BCR: variants seen among roughly 807,000 people sequenced by gnomAD.
The protein encoded by BCR is BCR activator of RhoGEF and GTPase.
In BCR, 58 loss-of-function variants were observed where a neutral mutation model predicts 138.6. The observed-to-expected ratio is 0.42, with a 90% CI of 0.34 to 0.52. The LOEUF (loss-of-function observed/expected upper bound fraction) is 0.52, where lower values mean the gene tolerates loss of function less well. Ranked by LOEUF, BCR falls within the 20% of genes least tolerant of loss-of-function variation. The pLI, the probability that BCR is intolerant of heterozygous loss-of-function variation, is 0.06. For synonymous variants in BCR, 786 were observed against 730.1 expected (o/e 1.08, Z -1.23); for missense variants, 1,599 against 1,727.2 (o/e 0.93, Z 1.32).
At chr22:23,260,283 C>T (rs2073342192) in intron 2 of BCR, among the ~76,000 whole-genome samples, 1 of 152,218 alleles carries the variant, frequency 6.6e-6, no homozygotes, top group Admixed American at 6.5e-5. Context: ...GGGACTTTGT[C>T]ATAGCCCACA....
At chr22:23,263,347 G>C (rs2073394687) in intron 4 of BCR, 4 of 1,197,872 alleles carry the variant, frequency 3.3e-6, no homozygotes, top group Non-Finnish European at 4.9e-6. Context: ...CAGATAGCCT[G>C]GGCCTCGCTC....
chr22:23,256,527 G>A (rs79082877), intron 2 of BCR, among the ~76,000 whole-genome samples: 1,567 of 152,244 alleles, frequency 0.01, 25 homozygotes, highest in African/African-American at 0.035. Context: ...CGGCTGGGCC[G>A]CAGGACAATG....
At chr22:23,259,649 G>A (rs1350419220) in intron 2 of BCR, among the ~76,000 whole-genome samples, 4 of 151,956 alleles carry the variant, frequency 2.6e-5, no homozygotes, top group African/African-American at 9.7e-5. Context: ...CCCAAGTAGT[G>A]GGGATTATAG....
chr22:23,255,327 C>T (rs1015088855), intron 2 of BCR, among the ~76,000 whole-genome samples: 5 of 152,154 alleles, frequency 3.3e-5, no homozygotes, highest in African/African-American at 7.2e-5. Flanking sequence ...TCCTATCCCA[C>T]GTCGAGTGTC....
chr22:23,313,252 A>T (rs987933325), intron 20 of BCR, among the ~76,000 whole-genome samples: 1 of 152,190 alleles, frequency 6.6e-6, no homozygotes, highest in Non-Finnish European at 1.5e-5. Flanking sequence ...CAAGAGGCTG[A>T]AATAGTCAGC....
Position 23,253,939 on chromosome 22 carries a change from C to A in BCR, c.1420C>A (p.Arg474=). ...CCTCAGCAGCAAGGGCAGGGGCAGC[C>A]GGGATGCGCTGGTCTCGGGAGCCCT... is the stretch of plus-strand genomic sequence containing the variant. ...PHLSSKGRGS[R]DALVSGALES... The change falls in exon 2 of 23, where the codon CGG becomes AGG. Residue 474 remains arginine (R), a synonymous_variant. Transcript: ENST00000305877. 1.2e-6 allele frequency: 2 copies of A among 1,613,072 alleles called. No homozygotes were observed. The highest frequency in any genetic ancestry group is 1.7e-6 in the Non-Finnish European group (2 of 1,179,978).
intron 1 of BCR, among the ~76,000 whole-genome samples, chr22:23,220,291 G>A (rs979988344): frequency 2.6e-5 from 4 of 152,232 alleles, no homozygotes; most frequent in Admixed American, 1.3e-4. Flanking sequence ...TGACCCTGCT[G>A]TAGTGACAGC....
intron 1 of BCR, among the ~76,000 whole-genome samples, chr22:23,207,978 C>G (rs1260033026): frequency 6.6e-6 from 1 of 152,202 alleles, no homozygotes; most frequent in African/African-American, 2.4e-5. Flanking sequence ...CAGACCCCGG[C>G]TGCCCTGGCT....
intron 1 of BCR, among the ~76,000 whole-genome samples, chr22:23,203,038 T>A (rs187169979): frequency 6.6e-6 from 1 of 152,120 alleles, no homozygotes; most frequent in Non-Finnish European, 1.5e-5. Flanking sequence ...TTTTTTTCTT[T>A]TTGTAGAGAC....
chr22:23,249,382 A>T (rs554079159), intron 1 of BCR, among the ~76,000 whole-genome samples: 52 of 151,744 alleles, frequency 3.4e-4, no homozygotes, highest in African/African-American at 1.2e-3. Flanking sequence ...CAGTGAGCCG[A>T]AATCGCGCCA....
chr22:23,282,678 G>A (rs2073661808), intron 8 of BCR, among the ~76,000 whole-genome samples: 1 of 152,196 alleles, frequency 6.6e-6, no homozygotes, highest in Non-Finnish European at 1.5e-5. Context: ...GGCTCCCTGA[G>A]AGCACAAGGC....
chr22:23,234,637 A>G (rs1446389520), intron 1 of BCR, among the ~76,000 whole-genome samples: 1 of 152,128 alleles, frequency 6.6e-6, no homozygotes, highest in Non-Finnish European at 1.5e-5. Context: ...AAGAACTGGG[A>G]GGGCCAAGAC....
intron 2 of BCR, among the ~76,000 whole-genome samples, chr22:23,255,822 C>T (rs73152641): frequency 0.029 from 4,471 of 152,346 alleles, 105 homozygotes; most frequent in Admixed American, 0.071. Context: ...GTAGATGTTT[C>T]TCGTGGTGCA....
chr22:23,264,306 C>T (rs1477548201), intron 4 of BCR: 4 of 964,828 alleles, frequency 4.1e-6, no homozygotes, highest in Non-Finnish European at 6.8e-6. Flanking sequence ...CACCAAGCAT[C>T]TCTATGCTGC....
At position 23,181,989 on chromosome 22, in the gene BCR, G is replaced by C; in HGVS notation, c.1029G>C (p.Glu343Asp). The C allele has an allele frequency of 6.2e-7, 1 of 1,613,456 alleles. No homozygotes were observed. The highest frequency in any genetic ancestry group is 1.3e-5 in the African/African-American group (1 of 75,058). Reference sequence around the variant, plus strand: ...ATGAGAACCTCACCTCCAGCGAGGAGGACTTCTCCTCTGGCCAGTCCAGCC... The same window carrying C: ...ATGAGAACCTCACCTCCAGCGAGGACGACTTCTCCTCTGGCCAGTCCAGCC... ...SSNENLTSSE[E>D]DFSSGQSSRV... The change falls in exon 1 of 23, where the codon GAG (glutamate) becomes GAC (aspartate). Residue 343 changes from glutamate (E) to aspartate (D), a missense_variant. Glu to Asp is a conservative substitution (Grantham distance 45). Around this residue, in one of 4 missense-constraint regions of BCR, gnomAD observed 806 missense variants for 635.0 expected, o/e 1.27. Transcript: ENST00000305877.
chr22:23,312,215 T>G (rs2074016055), intron 19 of BCR, among the ~76,000 whole-genome samples: 1 of 152,218 alleles, frequency 6.6e-6, no homozygotes, highest in Admixed American at 6.5e-5. Flanking sequence ...CTGCAGCATC[T>G]CTGCCTCCAT....
chr22:23,304,750 G>C (rs2073939690), intron 16 of BCR, among the ~76,000 whole-genome samples: 1 of 152,190 alleles, frequency 6.6e-6, no homozygotes, highest in Non-Finnish European at 1.5e-5. Context: ...TATCCTAAGG[G>C]AGAAGGGTGT....
intron 10 of BCR, among the ~76,000 whole-genome samples, chr22:23,286,325 G>A (rs926675642): frequency 6.6e-6 from 1 of 152,228 alleles, no homozygotes; most frequent in Non-Finnish European, 1.5e-5. Context: ...GGTTAGGCCT[G>A]GGTCCAGGTA....
chr22:23,224,546 C>T (rs1388241988), intron 1 of BCR, among the ~76,000 whole-genome samples: 1 of 152,188 alleles, frequency 6.6e-6, no homozygotes, highest in Non-Finnish European at 1.5e-5. Context: ...CAAGTCTGCC[C>T]AGAGACGCTG....
Sources: allele counts gnomAD v4.1 joint callset (sites outside exome capture counted in the v4.1 genomes callset), GRCh38; gene constraint gnomAD v4.1.1; regional missense constraint gnomAD v4.1.1; transcripts MANE v1.5; gene names NCBI Gene and HGNC (gene_info 2026-07-23, HGNC 2026-07-21).